Variants in SPMAP2L observed in about 807,000 individuals in gnomAD.
SPMAP2L encodes the protein sperm microtubule associated protein 2-like.
the SPMAP2L span, chr4:56,603,365 G>C: frequency 7.2e-7 from 1 of 1,398,072 alleles, no homozygotes; most frequent in South Asian, 1.3e-5. Flanking sequence ...TATGTATCTA[G>C]AACACATATT....
At chr4:56,538,169 G>C in the SPMAP2L span, among the ~76,000 whole-genome samples, 2 of 152,128 alleles carry the variant, frequency 1.3e-5, no homozygotes, top group Non-Finnish European at 2.9e-5. Flanking sequence ...CAAGCTTCCT[G>C]CAGCAGTGTG....
At chr4:56,600,616 C>T in the SPMAP2L span, among the ~76,000 whole-genome samples, 4 of 152,042 alleles carry the variant, frequency 2.6e-5, no homozygotes, top group African/African-American at 4.8e-5. Flanking sequence ...AGCCTGGTAG[C>T]GATATGATCT....
At chr4:56,551,448 T>C in the SPMAP2L span, among the ~76,000 whole-genome samples, 1 of 152,142 alleles carries the variant, frequency 6.6e-6, no homozygotes, top group Non-Finnish European at 1.5e-5. Context: ...CTCTATCACA[T>C]AGCAAGTTTA....
chr4:56,600,589 G>A, the SPMAP2L span, among the ~76,000 whole-genome samples: 4 of 152,212 alleles, frequency 2.6e-5, no homozygotes, highest in Non-Finnish European at 5.9e-5. Context: ...AACGCATCCA[G>A]CCCAGCATGG....
the SPMAP2L span, among the ~76,000 whole-genome samples, chr4:56,611,144 A>G: frequency 6.6e-6 from 1 of 152,212 alleles, no homozygotes; most frequent in East Asian, 1.9e-4. Flanking sequence ...ACTTGCACAC[A>G]CATATTTATA....
the SPMAP2L span, among the ~76,000 whole-genome samples, chr4:56,539,830 C>T: frequency 1.3e-5 from 2 of 152,340 alleles, no homozygotes; most frequent in South Asian, 4.1e-4. Flanking sequence ...GCACCCTCTC[C>T]TTCTGCCTTA....
At chr4:56,559,279 C>T in the SPMAP2L span, 1 of 924,944 alleles carries the variant, frequency 1.1e-6, no homozygotes, top group Non-Finnish European at 1.4e-6. Context: ...CCACTCCAGC[C>T]TGGGCAACAG....
At chr4:56,617,299 A>G in the SPMAP2L span, among the ~76,000 whole-genome samples, 14 of 152,230 alleles carry the variant, frequency 9.2e-5, no homozygotes, top group African/African-American at 3.1e-4. Context: ...TAGAAATACA[A>G]TATTATAATC....
chr4:56,601,031 C>T, the SPMAP2L span: 1 of 1,535,356 alleles, frequency 6.5e-7, no homozygotes, highest in Non-Finnish European at 8.7e-7. Context: ...GACCGTGATG[C>T]CCATTGGCCA....
At chr4:56,572,686 T>C in the SPMAP2L span, among the ~76,000 whole-genome samples, 1 of 152,182 alleles carries the variant, frequency 6.6e-6, no homozygotes, top group East Asian at 1.9e-4. Flanking sequence ...ATTTGTCTCT[T>C]TTACAATGAG....
the SPMAP2L span, among the ~76,000 whole-genome samples, chr4:56,569,789 C>T: frequency 6.6e-6 from 1 of 151,542 alleles, no homozygotes; most frequent in African/African-American, 2.4e-5. Flanking sequence ...AGAGTGAGAC[C>T]CTGTCTCAAA....
chr4:56,540,590 AAAAG>A, the SPMAP2L span, among the ~76,000 whole-genome samples: 38 of 152,180 alleles, frequency 2.5e-4, no homozygotes, highest in East Asian at 5.8e-4. Flanking sequence ...TGGTGAATGA[AAAAG>A]AAAGAAAGAA....
chr4:56,613,142 G>A, the SPMAP2L span, among the ~76,000 whole-genome samples: 2 of 152,130 alleles, frequency 1.3e-5, no homozygotes, highest in African/African-American at 2.4e-5. Context: ...CTGGCCCATG[G>A]CCACCCTTGG....
chr4:56,609,552 T>G, the SPMAP2L span, among the ~76,000 whole-genome samples: 1 of 152,218 alleles, frequency 6.6e-6, no homozygotes, highest in Non-Finnish European at 1.5e-5. Context: ...GAGAAAAACA[T>G]GAATTTGGGG....
the SPMAP2L span, among the ~76,000 whole-genome samples, chr4:56,607,637 A>C: frequency 9.2e-5 from 14 of 152,090 alleles, no homozygotes; most frequent in Non-Finnish European, 1.8e-4. Context: ...GTTGTAGAGA[A>C]ACCTTCAATC....
At chr4:56,624,695 G>T in the SPMAP2L span, among the ~76,000 whole-genome samples, 2 of 152,236 alleles carry the variant, frequency 1.3e-5, no homozygotes, top group African/African-American at 4.8e-5. Context: ...GCTTCCACTT[G>T]GTGTTGAGCC....
At chr4:56,562,634 C>T in the SPMAP2L span, among the ~76,000 whole-genome samples, 1 of 152,126 alleles carries the variant, frequency 6.6e-6, no homozygotes, top group Non-Finnish European at 1.5e-5. Context: ...GGTGTGTGTG[C>T]ATCACATTTG....
At chr4:56,532,853 G>T in the SPMAP2L span, among the ~76,000 whole-genome samples, 2 of 152,200 alleles carry the variant, frequency 1.3e-5, no homozygotes, top group East Asian at 3.9e-4. Flanking sequence ...CCCCATCGTA[G>T]GCACCCACTA....
chr4:56,550,687 T>G, the SPMAP2L span, among the ~76,000 whole-genome samples: 3 of 152,230 alleles, frequency 2.0e-5, no homozygotes, highest in African/African-American at 7.2e-5. Flanking sequence ...AGTTTTTCGT[T>G]ATTGTTATTT....
Sources: allele counts gnomAD v4.1 joint callset (sites outside exome capture counted in the v4.1 genomes callset), GRCh38; gene constraint gnomAD v4.1.1; transcripts MANE v1.5; gene names NCBI Gene and HGNC (gene_info 2026-07-23, HGNC 2026-07-21).